Variants in SGCG observed in about 807,000 individuals in gnomAD.
The protein encoded by SGCG is sarcoglycan gamma.
In SGCG, 26 loss-of-function variants were observed where a neutral mutation model predicts 29.3. The ratio of observed to expected loss-of-function variants is 0.89; its 90% CI spans 0.65 to 1.23. The LOEUF is 1.23. Among genes scored for constraint, SGCG ranks in the 50% most tolerant of loss-of-function variants. The probability of loss-of-function intolerance (pLI) is 0.00; values close to 1 mark genes in which losing one functional copy is unlikely to be tolerated. For synonymous variants in SGCG, 145 were observed against 129.7 expected, an observed-to-expected ratio of 1.12 and a Z score of -0.80; for missense variants, 353 against 356.0, an observed-to-expected ratio of 0.99 and a Z score of 0.07.
intron 5 of SGCG, 148 bp from the exon 6 acceptor site, chr13:23,295,267 A>G (rs773414391): frequency 4.2e-6 from 3 of 721,590 alleles, no homozygotes; most frequent in Non-Finnish European, 7.5e-6. Flanking sequence ...AGTTGGGCCT[A>G]TTTTTCTACC....
At chr13:23,317,675 A>G (rs777037325) in intron 6 of SGCG, among the ~76,000 whole-genome samples, 14 of 152,168 alleles carry the variant, frequency 9.2e-5, no homozygotes, top group Admixed American at 3.9e-4. Flanking sequence ...ATGTAATAGT[A>G]TTTGGGTTGG....
At chr13:23,180,868 T>C (rs1876707596), upstream of SGCG, 1 of 152,166 alleles carries the variant, frequency 6.6e-6, no homozygotes, top group African/African-American at 2.4e-5. Flanking sequence ...TGTCACTGAG[T>C]AAAATTAGAC....
At chr13:23,223,241 G>GT (rs11372538) in intron 2 of SGCG, among the ~76,000 whole-genome samples, 1 of 144,326 alleles carries the variant, frequency 6.9e-6, no homozygotes, top group East Asian at 2.0e-4. Context: ...TCATGCCACT[G>GT]ACTCCAGCCT....
At chr13:23,183,760 C>T (rs906071676) in intron 1 of SGCG, among the ~76,000 whole-genome samples, 6 of 152,150 alleles carry the variant, frequency 3.9e-5, no homozygotes, top group East Asian at 1.9e-4. Flanking sequence ...ACTCACCTCC[C>T]GGGTTCAAGT....
In SGCG at chr13:23,320,550, A is replaced by T. The variant is rs187414565; in HGVS notation, c.579-87A>T. 2.9e-5 allele frequency: 33 copies of T among 1,144,248 alleles called. No homozygotes were observed. In the African/African-American group the frequency reaches 3.5e-4, roughly 12 times the overall value. 70.9% of individuals were successfully genotyped at this position (1,144,248 alleles called of 1,614,324 possible). On this transcript the variant is annotated intron_variant, in intron 6 of 7. Coordinates refer to ENST00000218867, the MANE Select transcript of SGCG (RefSeq NM_000231.3). The stretch of plus-strand genomic sequence containing the variant: ...AAGACTTACATATCTTACTAGTTAT[A>T]TTTCCCATGCTAAGTTGAGGGATTG...
chr13:23,171,746 A>G, the SGCG span, among the ~76,000 whole-genome samples: 1 of 152,170 alleles, frequency 6.6e-6, no homozygotes, highest in South Asian at 2.1e-4. Flanking sequence ...GTAGTTCACA[A>G]TAGGGTTCAC....
At chr13:23,251,154 C>G (rs1879951659) in intron 4 of SGCG, among the ~76,000 whole-genome samples, 1 of 152,220 alleles carries the variant, frequency 6.6e-6, no homozygotes. Flanking sequence ...TCCAGTTTAT[C>G]TTTGCCACCA....
chr13:23,212,467 TGTAA>T (rs1193441022), intron 2 of SGCG, among the ~76,000 whole-genome samples: 1 of 152,156 alleles, frequency 6.6e-6, no homozygotes, highest in African/African-American at 2.4e-5. Flanking sequence ...ACTTATGCTC[TGTAA>T]GTATTTCTTG....
At chr13:23,318,774 T>C (rs113236679) in intron 6 of SGCG, among the ~76,000 whole-genome samples, 5 of 152,314 alleles carry the variant, frequency 3.3e-5, no homozygotes, top group African/African-American at 9.6e-5. Flanking sequence ...GTAAGAAGTT[T>C]GCTCTTCTTA....
intron 3 of SGCG, among the ~76,000 whole-genome samples, chr13:23,238,428 G>A (rs7323053): frequency 0.085 from 12,991 of 152,192 alleles, 670 homozygotes; most frequent in Non-Finnish European, 0.11. Flanking sequence ...CCACTCTAAG[G>A]GAGCAGAAGG....
intron 4 of SGCG, among the ~76,000 whole-genome samples, chr13:23,275,357 A>C (rs1177383046): frequency 6.6e-6 from 1 of 152,024 alleles, no homozygotes; most frequent in Non-Finnish European, 1.5e-5. Flanking sequence ...TCTACTAAAA[A>C]TACAAAAGTC....
chr13:23,186,702 A>G (rs1466978413), intron 1 of SGCG, among the ~76,000 whole-genome samples: 3 of 152,120 alleles, frequency 2.0e-5, no homozygotes, highest in Admixed American at 1.3e-4. Flanking sequence ...AGATTGTTCT[A>G]TCACCCTGTC....
At chr13:23,218,298 C>T (rs1878508684) in intron 2 of SGCG, among the ~76,000 whole-genome samples, 1 of 152,214 alleles carries the variant, frequency 6.6e-6, no homozygotes, top group East Asian at 1.9e-4. Context: ...ACACATCATA[C>T]TGGAAGATAT....
chr13:23,261,237 A>C (rs1880424599), intron 4 of SGCG, among the ~76,000 whole-genome samples: 1 of 150,564 alleles, frequency 6.6e-6, no homozygotes, highest in Admixed American at 6.6e-5. Context: ...ATTTCTTTTT[A>C]TTCTGAAAAA....
intron 4 of SGCG, among the ~76,000 whole-genome samples, chr13:23,278,502 T>G (rs1350011506): frequency 7.3e-5 from 11 of 151,478 alleles, no homozygotes. Context: ...ACTCCTAATT[T>G]CTTAAGTAGA....
At chr13:23,163,744 G>A in the SGCG span, among the ~76,000 whole-genome samples, 1 of 152,048 alleles carries the variant, frequency 6.6e-6, no homozygotes, top group Admixed American at 6.5e-5. Context: ...CTAAGATATA[G>A]TAAGTTACCT....
chr13:23,225,413 T>G (rs1398638494), intron 2 of SGCG, among the ~76,000 whole-genome samples: 1 of 152,226 alleles, frequency 6.6e-6, no homozygotes, highest in Non-Finnish European at 1.5e-5. Flanking sequence ...GTCTTGTTCT[T>G]CATGCACCTT....
At chr13:23,259,803 C>G (rs1431289483) in intron 4 of SGCG, among the ~76,000 whole-genome samples, 1 of 152,062 alleles carries the variant, frequency 6.6e-6, no homozygotes, top group Non-Finnish European at 1.5e-5. Flanking sequence ...CATTATTTAC[C>G]CAGTAGTCAT....
chr13:23,251,783 A>G (rs1879979413), intron 4 of SGCG, among the ~76,000 whole-genome samples: 1 of 152,168 alleles, frequency 6.6e-6, no homozygotes. Context: ...TCACTATACT[A>G]TTAACATTGG....
Sources: allele counts gnomAD v4.1 joint callset (sites outside exome capture counted in the v4.1 genomes callset), GRCh38; gene constraint gnomAD v4.1.1; transcripts MANE v1.5; gene names NCBI Gene and HGNC (gene_info 2026-07-23, HGNC 2026-07-21).